Variants in GFRA2 observed in about 807,000 individuals in gnomAD.
The protein encoded by GFRA2 is GDNF family receptor alpha 2.
In GFRA2, 17 loss-of-function variants were observed where a neutral mutation model predicts 48.3. The observed-to-expected ratio is 0.35, with a 90% CI of 0.24 to 0.53. The LOEUF (loss-of-function observed/expected upper bound fraction) is 0.53, where lower values mean the gene tolerates loss of function less well. Ranked by LOEUF, GFRA2 falls within the 20% of genes least tolerant of loss-of-function variation. GFRA2 has a pLI of 0.93. For synonymous variants in GFRA2, 305 were observed against 257.2 expected, an observed-to-expected ratio of 1.19 and a Z score of -1.78; for missense variants, 660 against 637.3, an observed-to-expected ratio of 1.04 and a Z score of -0.38.
chr8:21,776,037 G>GTGTGTGTGTGTGTGTA lies in GFRA2; in HGVS notation c.356-983_356-982insTACACACACACACACA, dbSNP rs549952048. Reference sequence around the variant, plus strand: ...TGTGTGTGTGTGTGTGTGTGTGTGTGTGTAGTGAAAAGCAGGGCACAGCCT... The same window carrying GTGTGTGTGTGTGTGTA: ...TGTGTGTGTGTGTGTGTGTGTGTGTGTGTGTGTGTGTGTGTATGTAGTGAAAAGCAGGGCACAGCCT... On this transcript the variant is annotated intron_variant, in intron 2 of 8. Coordinates refer to ENST00000524240, the MANE Select transcript of GFRA2 (RefSeq NM_001495.5). 2.1e-3 allele frequency among the ~76,000 whole-genome samples: 298 copies of GTGTGTGTGTGTGTGTA among 139,868 alleles called. 3 individuals carry two copies. The highest frequency in any genetic ancestry group is 3.8e-3 in the Middle Eastern group (1 of 260). The allele number at this position is 139,868 out of a possible 152,430, so 91.8% of individuals were successfully genotyped here.
chr8:21,791,230 A>C (rs368718915), upstream of GFRA2, among the ~76,000 whole-genome samples: 1,340 of 152,312 alleles, frequency 8.8e-3, 17 homozygotes, highest in East Asian at 0.054. Flanking sequence ...AGAAAGCAGC[A>C]ATGAAGCCCT....
In GFRA2 at chr8:21,788,105, C is replaced by A; in HGVS notation, c.40+15G>T. 6.6e-7 allele frequency: 1 copy of A among 1,505,632 alleles called. No homozygotes were observed. Among genetic ancestry groups the A allele is most frequent in the Non-Finnish European group, 9.0e-7 (1 of 1,108,094 alleles). 93.3% of individuals were successfully genotyped at this position (1,505,632 alleles called of 1,614,324 possible). On this transcript the variant is annotated intron_variant, in intron 1 of 8. Transcript: ENST00000524240. ...TCTCGCCTCCCCCTCGAGCTCGCCG[C>A]CCGCAGGTACTCACCTAGAAAGAAG...
intron 4 of GFRA2, among the ~76,000 whole-genome samples, chr8:21,733,179 C>A (rs1302852110): frequency 6.6e-6 from 1 of 152,116 alleles, no homozygotes; most frequent in African/African-American, 2.4e-5. Context: ...GGAGATGCCA[C>A]CCCCTGAAAT....
intron 3 of GFRA2, among the ~76,000 whole-genome samples, chr8:21,767,267 C>T (rs1806215834): frequency 6.6e-6 from 1 of 151,390 alleles, no homozygotes; most frequent in Admixed American, 6.6e-5. Flanking sequence ...ACCACCACCA[C>T]ATACACACAC....
chr8:21,716,598 A>G (rs1448839456), intron 4 of GFRA2, among the ~76,000 whole-genome samples: 4 of 152,220 alleles, frequency 2.6e-5, no homozygotes, highest in Non-Finnish European at 4.4e-5. Flanking sequence ...CAACGGCTAT[A>G]CTGTCTACTT....
At position 21,805,262 on chromosome 8, in the gene GFRA2, A is replaced by T. The variant is rs1473642903; in HGVS notation, c.-147-134T>A. 3 of 152,282 alleles carry T rather than the reference A, an allele frequency of 2.0e-5. No individual in the cohort carries two copies. The East Asian group carries it at 5.8e-4, about 29-fold the overall frequency. The allele number at this position is 152,282 out of a possible 1,614,324, so 9.4% of individuals were successfully genotyped here. On this transcript the variant is annotated intron_variant, in intron 1 of 10. Coordinates refer to the GFRA2 transcript ENST00000517328. ...TTCTGTTTCTTCTGTGAAATTCTACAGCTCTTGGCCCTATCATAAATTGCT... is the reference window on the plus strand; with the variant it reads ...TTCTGTTTCTTCTGTGAAATTCTACTGCTCTTGGCCCTATCATAAATTGCT...
Position 21,694,492 on chromosome 8 carries a change from G to C in GFRA2, c.1244C>G (p.Ser415Cys). 1.2e-6 allele frequency: 2 copies of C among 1,612,248 alleles called. No homozygotes were observed. Among genetic ancestry groups the C allele is most frequent in the Non-Finnish European group, 1.7e-6 (2 of 1,179,448 alleles). Residue 415 changes from serine (S) to cysteine (C), a missense_variant, in exon 8 of 9, where the codon TCC (serine) becomes TGC (cysteine). Coordinates refer to ENST00000524240, the MANE Select transcript of GFRA2 (RefSeq NM_001495.5). ...TGTGAAGCACATGCTTAACTCTTTG[G>C]AGTTGTTGGCCTTCAGCCCCTGCTC... ...VQEQGLKANN[S>C]KELSMCFTEL...
At chr8:21,805,616 C>T (rs1026757460) in intron 1 of GFRA2, among the ~76,000 whole-genome samples, 22 of 152,194 alleles carry the variant, frequency 1.4e-4, no homozygotes, top group African/African-American at 5.3e-4. Flanking sequence ...ACCCCCACTA[C>T]ATGAGCAGTC....
intron 8 of GFRA2, among the ~76,000 whole-genome samples, chr8:21,694,077 T>TATATATATATATATATATATATATATATA (rs1338101835): frequency 0.013 from 1,449 of 108,508 alleles, 140 homozygotes; most frequent in Non-Finnish European, 0.02. Context: ...TTATTTATTT[T>TATATATATATATATATATATATATATATA]TATATATATA....
intron 4 of GFRA2, among the ~76,000 whole-genome samples, chr8:21,745,092 T>A (rs1427898458): frequency 6.6e-6 from 1 of 152,232 alleles, no homozygotes; most frequent in African/African-American, 2.4e-5. Context: ...TCCAACACTT[T>A]ATCGCTGGTG....
At chr8:21,740,903 C>G (rs577143410) in intron 4 of GFRA2, among the ~76,000 whole-genome samples, 2 of 152,210 alleles carry the variant, frequency 1.3e-5, no homozygotes, top group Non-Finnish European at 2.9e-5. Flanking sequence ...GGCCACAGAC[C>G]AGGTATATCA....
intron 3 of GFRA2, among the ~76,000 whole-genome samples, chr8:21,751,820 T>G (rs1805308226): frequency 6.6e-6 from 1 of 152,160 alleles, no homozygotes; most frequent in South Asian, 2.1e-4. Flanking sequence ...AGGTCCTACC[T>G]CTGCACAGCC....
chr8:21,697,192 A>AC, intron 7 of GFRA2, among the ~76,000 whole-genome samples: 1 of 15,690 alleles, frequency 6.4e-5, no homozygotes. Context: ...GGAGAGGGAG[A>AC]GGGGACAAAC....
chr8:21,765,838 C>A (rs1031782145), intron 3 of GFRA2, among the ~76,000 whole-genome samples: 6 of 152,086 alleles, frequency 3.9e-5, no homozygotes, highest in African/African-American at 1.4e-4. Context: ...TGTTCAAGTA[C>A]AAAATATCGA....
chr8:21,791,488 A>C (rs1807573476), upstream of GFRA2, among the ~76,000 whole-genome samples: 2 of 152,056 alleles, frequency 1.3e-5, no homozygotes, highest in Non-Finnish European at 2.9e-5. Context: ...ACTCAACCCA[A>C]ACTGCTCTTA....
rs376684309 is a variant in GFRA2 at position 21,705,086 on chromosome 8, G to A, written c.944C>T (p.Thr315Ile). 1.2e-4 allele frequency: 192 copies of A among 1,611,340 alleles called. 2 individuals are homozygous for A. In the South Asian group the frequency reaches 2.0e-3, roughly 17 times the overall value. The change falls in exon 6 of 9, where the codon ACT becomes ATT. Residue 315 changes from threonine (T) to isoleucine (I), a missense_variant. Physicochemically the swap from Thr to Ile is moderately conservative, Grantham distance 89. Transcript: ENST00000524240. ...GCACCAGGGGGACACCACGATGCCA[G>A]TGGGGCTGGAGTCCACATAGTTAGG... is the stretch of plus-strand genomic sequence containing the variant. ...MTPNYVDSSP[T>I]GIVVSPWCSC...
rs980493739 is a variant in GFRA2 at position 21,712,779 on chromosome 8, C to T, written c.795-6738G>A. 4.9e-3 allele frequency among the ~76,000 whole-genome samples: 747 copies of T among 152,306 alleles called. 4 individuals are homozygous for T. Among genetic ancestry groups the T allele is most frequent in the African/African-American group, 0.016 (672 of 41,572 alleles). On this transcript the variant is annotated intron_variant, in intron 4 of 8. Transcript: ENST00000524240. The stretch of plus-strand genomic sequence containing the variant: ...CGGCACCTCGGGAGGCCGAGGCTGG[C>T]GGATCACTCGCGGTTAGGAGCTGGA...
chr8:21,770,300 T>C (rs1229654586), intron 3 of GFRA2, among the ~76,000 whole-genome samples: 1 of 152,218 alleles, frequency 6.6e-6, no homozygotes, highest in Admixed American at 6.5e-5. Context: ...CATACGAATG[T>C]TTTAAAAGCT....
At chr8:21,749,199 A>G (rs765817592) in intron 4 of GFRA2, among the ~76,000 whole-genome samples, 4 of 151,812 alleles carry the variant, frequency 2.6e-5, no homozygotes, top group Non-Finnish European at 5.9e-5. Flanking sequence ...CCAAACTTCA[A>G]CTTAGTATAA....
Sources: gnomAD v4.1 joint callset for allele counts (sites outside exome capture counted in the v4.1 genomes callset) on GRCh38, gnomAD v4.1.1 for gene constraint, MANE v1.5 for transcripts, NCBI Gene and HGNC (gene_info 2026-07-23, HGNC 2026-07-21) for gene names.